SPAG9: variants seen among roughly 807,000 people sequenced by gnomAD.
SPAG9 encodes the protein sperm associated antigen 9.
SPAG9 carries 35 observed loss-of-function variants against 166.5 expected under a neutral mutation model. The ratio of observed to expected loss-of-function variants is 0.21; its 90% CI spans 0.16 to 0.28. The LOEUF is 0.28. Among genes scored for constraint, SPAG9 ranks in the 10% least tolerant of loss-of-function variants. The probability of loss-of-function intolerance (pLI) is 1.00; values close to 1 mark genes in which losing one functional copy is unlikely to be tolerated. For missense variants in SPAG9, 1,235 were observed against 1,603.3 expected (o/e 0.77, Z 3.92); for synonymous variants, 534 against 565.5 (o/e 0.94, Z 0.79).
chr17:51,116,616 T>C (rs1356750937), intron 1 of SPAG9, among the ~76,000 whole-genome samples: 2 of 151,932 alleles, frequency 1.3e-5, no homozygotes, highest in African/African-American at 4.8e-5. Flanking sequence ...AAAATTTAAT[T>C]AGCCCAGTGT....
chr17:50,990,907 CTTTT>C (rs893608311), intron 19 of SPAG9, among the ~76,000 whole-genome samples: 94 of 136,928 alleles, frequency 6.9e-4, no homozygotes, highest in African/African-American at 2.4e-3. Flanking sequence ...AGAAAATAAA[CTTTT>C]TTTTTTTTTT....
At chr17:51,032,027 T>C in intron 5 of SPAG9, 1 of 489,244 alleles carries the variant, frequency 2.0e-6, no homozygotes, top group Non-Finnish European at 3.9e-6. Flanking sequence ...CTGATGTTTA[T>C]TCCAGTCCCT....
intron 2 of SPAG9, among the ~76,000 whole-genome samples, chr17:51,060,057 T>C (rs1055681049): frequency 2.6e-5 from 4 of 152,220 alleles, no homozygotes; most frequent in East Asian, 1.9e-4. Flanking sequence ...CTGGATCTGA[T>C]TGTCAAGTCA....
intron 12 of SPAG9, 123 bp from the exon 13 acceptor site, chr17:51,001,968 T>C (rs1207731284): frequency 1.2e-6 from 1 of 858,748 alleles, no homozygotes; most frequent in Non-Finnish European, 1.8e-6. Flanking sequence ...AGTAGATCAT[T>C]TAAAGAAAAA....
At chr17:51,007,177 T>G (rs770112719) in intron 10 of SPAG9, 92 bp downstream of exon 10, 18 of 657,510 alleles carry the variant, frequency 2.7e-5, no homozygotes, top group Middle Eastern at 5.5e-4. Flanking sequence ...GACAGGGAGA[T>G]TCCATTAGTA....
intron 3 of SPAG9, among the ~76,000 whole-genome samples, chr17:51,052,920 G>A (rs538160188): frequency 1.3e-4 from 20 of 151,962 alleles, no homozygotes; most frequent in African/African-American, 3.6e-4. Context: ...TTAGCCGAGC[G>A]TGGTGGTGCA....
chr17:51,033,252 A>C (rs2046453601), intron 5 of SPAG9, among the ~76,000 whole-genome samples: 1 of 151,778 alleles, frequency 6.6e-6, no homozygotes. Context: ...ACTAGGTAAA[A>C]ACTTGGGTAG....
At chr17:51,004,707 G>A (rs1221519776) in intron 12 of SPAG9, among the ~76,000 whole-genome samples, 2 of 152,036 alleles carry the variant, frequency 1.3e-5, no homozygotes, top group East Asian at 3.9e-4. Context: ...TCCAGCCTCG[G>A]TGACAGACTG....
chr17:51,117,316 T>C (rs183542240), intron 1 of SPAG9, among the ~76,000 whole-genome samples: 1 of 152,338 alleles, frequency 6.6e-6, no homozygotes, highest in Non-Finnish European at 1.5e-5. Context: ...GAATTTACTT[T>C]ACTCTCTCTG....
intron 3 of SPAG9, among the ~76,000 whole-genome samples, chr17:51,051,755 G>C (rs2047191663): frequency 1.3e-5 from 2 of 152,052 alleles, no homozygotes; most frequent in South Asian, 2.1e-4. Flanking sequence ...GACAAACCTG[G>C]CTTCAAATCT....
At chr17:51,070,235 G>A (rs977634408) in intron 2 of SPAG9, among the ~76,000 whole-genome samples, 1 of 152,178 alleles carries the variant, frequency 6.6e-6, no homozygotes, top group Middle Eastern at 3.4e-3. Context: ...TAAATCCAAG[G>A]AGCCTGAGGG....
At chr17:51,055,921 C>CA (rs1411008644) in intron 3 of SPAG9, among the ~76,000 whole-genome samples, 1 of 152,036 alleles carries the variant, frequency 6.6e-6, no homozygotes, top group African/African-American at 2.4e-5. Flanking sequence ...AAAACTCATG[C>CA]AAAAAACCTA....
At chr17:51,109,924 C>T (rs2049059497) in intron 1 of SPAG9, among the ~76,000 whole-genome samples, 1 of 151,846 alleles carries the variant, frequency 6.6e-6, no homozygotes, top group Non-Finnish European at 1.5e-5. Context: ...GTTACCCAGG[C>T]TGATCTTCAA....
intron 1 of SPAG9, among the ~76,000 whole-genome samples, chr17:51,089,620 T>TTATATATATATATA (rs746370783): frequency 1.0e-3 from 41 of 40,442 alleles, no homozygotes; most frequent in East Asian, 2.8e-3. Context: ...ACACTTTATT[T>TTATATATATATATA]TATATATATA....
intron 1 of SPAG9, among the ~76,000 whole-genome samples, chr17:51,088,663 T>G (rs528051320): frequency 6.6e-6 from 1 of 152,212 alleles, no homozygotes; most frequent in African/African-American, 2.4e-5. Flanking sequence ...GCGGACTTGG[T>G]GGCGGGCGCC....
intron 1 of SPAG9, among the ~76,000 whole-genome samples, chr17:51,080,095 T>C (rs1342614095): frequency 6.6e-6 from 1 of 152,172 alleles, no homozygotes; most frequent in African/African-American, 2.4e-5. Context: ...GTGTGATTAA[T>C]AGTCATAGAT....
rs556560136 is a variant in SPAG9 at position 51,040,585 on chromosome 17, T to G, written c.741+916A>C. On this transcript the variant is annotated intron_variant, in intron 5 of 29. Coordinates refer to ENST00000262013, the MANE Select transcript of SPAG9 (RefSeq NM_001130528.3). ...CATGTTCTGAGTACCTATAATGTGC[T>G]AGGCACTTTTCCAAGTGCTGGGGGA... 3 of 152,340 alleles carry G rather than the reference T, an allele frequency of 2.0e-5. No individual in the cohort carries two copies. In the South Asian group the frequency reaches 6.2e-4, roughly 32 times the overall value. 9.4% of individuals were successfully genotyped at this position (152,340 alleles called of 1,614,324 possible). A position where few individuals can be genotyped will look rare whatever the true frequency, so the allele number is the denominator to read the frequency against.
At chr17:51,077,380 C>T (rs1246838203) in intron 2 of SPAG9, among the ~76,000 whole-genome samples, 1 of 152,012 alleles carries the variant, frequency 6.6e-6, no homozygotes, top group Non-Finnish European at 1.5e-5. Flanking sequence ...CCTCGACCTC[C>T]CAAAGTGCTG....
rs3075109 is a variant in SPAG9, at chr17:51,010,568, GAA to G, written c.1214-3244_1214-3243del. On this transcript the variant is annotated intron_variant, in intron 9 of 29. Transcript: ENST00000262013. ...GTATCACTTAAGCAAGGCAAGAAAA[GAA>G]AAAAAAAAAAAAATATATATATATA... 7.4e-3 allele frequency among the ~76,000 whole-genome samples: 925 copies of G among 124,836 alleles called. 7 individuals are homozygous for G. The highest frequency in any genetic ancestry group is 7.4e-3 in the African/African-American group (247 of 33,536). The allele number at this position is 124,836 out of a possible 152,430, so 81.9% of individuals were successfully genotyped here.
Sources: gnomAD v4.1 joint callset for allele counts (sites outside exome capture counted in the v4.1 genomes callset) on GRCh38, gnomAD v4.1.1 for gene constraint, MANE v1.5 for transcripts, NCBI Gene and HGNC (gene_info 2026-07-23, HGNC 2026-07-21) for gene names.